MIDEAS: variants seen among roughly 807,000 people sequenced by gnomAD.
MIDEAS encodes mitotic deacetylase associated SANT domain protein.
A neutral mutation model predicts 102.7 loss-of-function variants in MIDEAS; 26 were observed. The ratio of observed to expected loss-of-function variants is 0.25; its 90% confidence interval spans 0.19 to 0.35. The LOEUF is 0.35. Among genes scored for constraint, MIDEAS ranks in the 10% least tolerant of loss-of-function variants. MIDEAS has a pLI of 1.00. For synonymous variants in MIDEAS, 585 were observed against 591.0 expected (o/e 0.99, Z 0.15); for missense variants, 1,231 against 1,435.6 (o/e 0.86, Z 2.30).
chr14:73,783,646 A>G (rs556146323), intron 1 of MIDEAS, among the ~76,000 whole-genome samples: 1 of 152,338 alleles, frequency 6.6e-6, no homozygotes, highest in African/African-American at 2.4e-5. Context: ...CCCTGTGTGT[A>G]TTTCAAGTGG....
intron 11 of MIDEAS, among the ~76,000 whole-genome samples, chr14:73,720,517 G>A (rs1323856496): frequency 6.6e-6 from 1 of 151,948 alleles, no homozygotes; most frequent in Non-Finnish European, 1.5e-5. Flanking sequence ...AAAGTGCTGG[G>A]ATTACAGGTG....
rs745418178 is a variant in MIDEAS, at chr14:73,721,367, T to C, written c.2867A>G (p.Glu956Gly). 5 of 1,614,072 alleles carry C rather than the reference T, an allele frequency of 3.1e-6. No homozygotes were observed. Among genetic ancestry groups the C allele is most frequent in the Non-Finnish European group, 4.2e-6 (5 of 1,180,002 alleles). ...CCGCCTGCTGCGCTCTCGCCCCTCT[T>C]CCTGCTCCTCCTTCTCTTGGATCTC... ...VPEIQEKEEQ[E>G]EGRERSRRAA... is the part of the protein sequence containing the mutation. Residue 956 changes from glutamate to glycine, a missense_variant, in exon 11 of 13, where the codon GAA becomes GGA. Transcript: ENST00000423556.
At chr14:73,784,223 G>A (rs937940571) in intron 1 of MIDEAS, among the ~76,000 whole-genome samples, 14 of 152,366 alleles carry the variant, frequency 9.2e-5, no homozygotes, top group East Asian at 5.8e-4. Flanking sequence ...CTCAGGAGCC[G>A]TGAACTAGGC....
chr14:73,727,162 G>A, intron 5 of MIDEAS, 190 bp from the exon 6 acceptor site: 1 of 707,298 alleles, frequency 1.4e-6, no homozygotes, highest in Non-Finnish European at 2.3e-6. Context: ...AAGGTCCAGA[G>A]GCTGGAGAGG....
At chr14:73,722,568 T>C (rs2053009259) in intron 10 of MIDEAS, 130 bp downstream of exon 10, 3 of 1,101,336 alleles carry the variant, frequency 2.7e-6, no homozygotes, top group Non-Finnish European at 3.9e-6. Context: ...TCCTTGCGGC[T>C]GTCAGGGACA....
chr14:73,757,276 A>C (rs1355222719), intron 1 of MIDEAS, among the ~76,000 whole-genome samples: 1 of 145,170 alleles, frequency 6.9e-6, no homozygotes, highest in Non-Finnish European at 1.5e-5. Flanking sequence ...TATCTCTAAC[A>C]ACCAAAAAAA....
chr14:73,750,180 T>G lies in MIDEAS; in HGVS notation c.-248+9583A>C, dbSNP rs549017750. 6.4e-4 allele frequency among the ~76,000 whole-genome samples: 98 copies of G among 151,980 alleles called. 1 individual carries two copies. The highest frequency in any genetic ancestry group is 2.2e-3 in the African/African-American group (90 of 41,446). ...TGCTTATAAACCTCCTATGGAGGAG[T>G]CTTATGTCCTCATTCTCCAGAGGGA... On this transcript the variant is annotated intron_variant, in intron 1 of 12. Transcript: ENST00000423556.
At chr14:73,749,302 GC>G (rs11328827) in intron 1 of MIDEAS, among the ~76,000 whole-genome samples, 75,699 of 148,460 alleles carry the variant, frequency 0.51, 21,949 homozygotes, top group East Asian at 0.87. Context: ...GGAGGCCAAG[GC>G]CAGGAGGATC....
intron 1 of MIDEAS, chr14:73,754,957 G>A (rs569958372): frequency 6.6e-6 from 1 of 152,322 alleles, no homozygotes; most frequent in East Asian, 1.9e-4. Context: ...CGGCTTTAGA[G>A]AGAAGCCCCT....
rs1386203281 is a variant in MIDEAS at position 73,742,866 on chromosome 14, G to A, written c.-247-2611C>T. On this transcript the variant is annotated intron_variant, in intron 1 of 12. Transcript: ENST00000423556. This position sits in a 1 kb window ranked among gnomAD's most constrained non-coding sequence, Gnocchi z 4.4. The stretch of plus-strand genomic sequence containing the variant: ...GGTGAAGAGGCACACCTAGGCAGCA[G>A]GGCACTAAGTAGTCATAGGAGTAAT... 1.3e-5 allele frequency among the ~76,000 whole-genome samples: 2 copies of A among 152,158 alleles called. No individual in the cohort carries two copies. The highest frequency in any genetic ancestry group is 1.3e-4 in the Admixed American group (2 of 15,274).
At chr14:73,727,817 A>G in intron 4 of MIDEAS, 1 of 340,338 alleles carries the variant, frequency 2.9e-6, no homozygotes, top group African/African-American at 2.2e-5. Context: ...GGCACTCGAT[A>G]AAGATTATTA....
intron 3 of MIDEAS, among the ~76,000 whole-genome samples, chr14:73,732,334 G>C (rs2053149177): frequency 1.3e-5 from 2 of 151,624 alleles, no homozygotes; most frequent in East Asian, 3.8e-4. Context: ...AAGAATTAAA[G>C]AGCCAAGATC....
intron 1 of MIDEAS, among the ~76,000 whole-genome samples, chr14:73,786,626 C>T (rs2053812152): frequency 6.6e-6 from 1 of 152,206 alleles, no homozygotes; most frequent in Non-Finnish European, 1.5e-5. Context: ...CTCTGCTCTT[C>T]GTCCCAGGAA....
At chr14:73,737,534 G>A (rs2053218541) in intron 2 of MIDEAS, among the ~76,000 whole-genome samples, 1 of 152,086 alleles carries the variant, frequency 6.6e-6, no homozygotes, top group Non-Finnish European at 1.5e-5. Context: ...GCAGAGGTGG[G>A]AGGATTGCCT....
chr14:73,764,996 G>A (rs2053582753), upstream of MIDEAS, among the ~76,000 whole-genome samples: 1 of 152,220 alleles, frequency 6.6e-6, no homozygotes, highest in Admixed American at 6.5e-5. Flanking sequence ...TGGCTGCCAG[G>A]GAGGGCAGGC....
At chr14:73,758,754 G>A (rs943232799) in intron 1 of MIDEAS, 2 of 154,552 alleles carry the variant, frequency 1.3e-5, no homozygotes, top group African/African-American at 4.8e-5. Flanking sequence ...GCTGGAGGCT[G>A]GGCTGGGACG....
At position 73,717,196 on chromosome 14, in the gene MIDEAS, G is replaced by A. The variant is rs200530167; in HGVS notation, c.*1647C>T. ...CTTGGCTATCTCATAAGGAGTAGCA[G>A]TATGAATACTTTCTGGCTCCTTCCT... On this transcript the variant is annotated 3_prime_UTR_variant, in exon 13 of 13. Coordinates refer to ENST00000423556, the MANE Select transcript of MIDEAS (RefSeq NM_001367710.1). The A allele has an allele frequency of 2.6e-5, 4 of 152,234 alleles. No homozygotes were observed. The highest frequency in any genetic ancestry group is 9.7e-5 in the African/African-American group (4 of 41,434). The allele number at this position is 152,234 out of a possible 1,614,324, so 9.4% of individuals were successfully genotyped here. A position where few individuals can be genotyped will look rare whatever the true frequency, so the allele number is the denominator to read the frequency against.
At chr14:73,769,998 C>T (rs913781123) in intron 1 of MIDEAS, among the ~76,000 whole-genome samples, 1 of 148,374 alleles carries the variant, frequency 6.7e-6, no homozygotes, top group Non-Finnish European at 1.5e-5. Context: ...CAGGTAATTA[C>T]GGTTGGTGGA....
At position 73,782,350 on chromosome 14, in the gene MIDEAS, C is replaced by T. The variant is rs143418860; in HGVS notation, c.-248+4752G>A. Among the ~76,000 whole-genome samples the T allele has an allele frequency of 4.5e-4, 68 of 152,166 alleles. 1 individual carries two copies. Among genetic ancestry groups the T allele is most frequent in the African/African-American group, 1.5e-3 (62 of 41,510 alleles). ...CAACCAGGAAGCCTCACTTTGCCCT[C>T]CTCACAGTCTATATATATATATAGA... On this transcript the variant is annotated intron_variant, in intron 1 of 11. Coordinates refer to the MIDEAS transcript ENST00000394071.
Sources: gnomAD v4.1 joint callset for allele counts (sites outside exome capture counted in the v4.1 genomes callset) on GRCh38, gnomAD v4.1.1 for gene constraint, Gnocchi (gnomAD v3.1) non-coding constraint, MANE v1.5 for transcripts, NCBI Gene and HGNC (gene_info 2026-07-23, HGNC 2026-07-21) for gene names.